Variants in LTBP1 observed in about 807,000 individuals in gnomAD.
LTBP1 encodes the protein latent-transforming growth factor beta-binding protein 1.
In LTBP1, 129 loss-of-function variants were observed where a neutral mutation model predicts 207.6. That is an observed-to-expected ratio of 0.62 (90% CI 0.54 to 0.72). The LOEUF is 0.72. LTBP1 is among the 30% of genes least tolerant of loss of function. The pLI, the probability that LTBP1 is intolerant of heterozygous loss-of-function variation, is 0.00. For missense variants in LTBP1, 2,281 were observed against 2,217.2 expected (o/e 1.03, Z -0.58); for synonymous variants, 963 against 833.7 (o/e 1.16, Z -2.67).
At chr2:33,220,640 G>A (rs2091043943) in intron 8 of LTBP1, among the ~76,000 whole-genome samples, 1 of 152,214 alleles carries the variant, frequency 6.6e-6, no homozygotes. Flanking sequence ...GTAGATGACT[G>A]CTGAAAGTTC....
chr2:32,955,576 T>TA (rs1454271267), intron 2 of LTBP1, among the ~76,000 whole-genome samples: 1 of 152,156 alleles, frequency 6.6e-6, no homozygotes, highest in Non-Finnish European at 1.5e-5. Flanking sequence ...AGTGATTACA[T>TA]AGAGTGCCTT....
chr2:33,311,907 TC>T (rs1408411305), intron 23 of LTBP1, among the ~76,000 whole-genome samples: 2 of 152,214 alleles, frequency 1.3e-5, no homozygotes, highest in Non-Finnish European at 2.9e-5. Flanking sequence ...ATTCCTATTT[TC>T]CAGAATAAGT....
rs1433480164 is a variant in LTBP1 at position 33,363,514 on chromosome 2, C to T, written c.4395C>T (p.Cys1465=). 3 of 1,613,570 alleles carry T rather than the reference C, an allele frequency of 1.9e-6. No individual in the cohort carries two copies. The highest frequency in any genetic ancestry group is 2.5e-6 in the Non-Finnish European group (3 of 1,179,662). Reference sequence around the variant, plus strand: ...ACTATGATCCTGTGAAACTGCAGTGCTTTGGTAAGCTTTAGGGGGATATAG... The same window carrying T: ...ACTATGATCCTGTGAAACTGCAGTGTTTTGGTAAGCTTTAGGGGGATATAG... ...GTYYDPVKLQ[C]FDMDECQDPS... is the part of the protein sequence containing the mutation. Residue 1465 remains cysteine (C), a synonymous_variant, in exon 29 of 34, where the codon TGC becomes TGT. Coordinates refer to ENST00000404816, the MANE Select transcript of LTBP1 (RefSeq NM_206943.4).
chr2:33,145,850 G>T (rs1469567894), intron 5 of LTBP1, among the ~76,000 whole-genome samples: 2 of 152,138 alleles, frequency 1.3e-5, no homozygotes, highest in Non-Finnish European at 2.9e-5. Context: ...AAGTCTAAAG[G>T]CTGAAAATAT....
At chr2:33,213,661 G>A (rs2090476449) in intron 7 of LTBP1, among the ~76,000 whole-genome samples, 1 of 152,222 alleles carries the variant, frequency 6.6e-6, no homozygotes, top group African/African-American at 2.4e-5. Flanking sequence ...TATGGCCACA[G>A]AGATCTCTCA....
chr2:33,393,988 T>C (rs540577666), intron 32 of LTBP1, among the ~76,000 whole-genome samples: 4,214 of 135,866 alleles, frequency 0.031, 228 homozygotes, highest in Non-Finnish European at 0.043. Context: ...GCCATTGTAA[T>C]TGGTGTGAGA....
intron 19 of LTBP1, among the ~76,000 whole-genome samples, chr2:33,283,542 T>A (rs1324392771): frequency 2.0e-5 from 3 of 146,928 alleles, no homozygotes; most frequent in African/African-American, 7.5e-5. Context: ...ATTCACGCCA[T>A]TCTCCTACCT....
chr2:32,951,241 A>G (rs1387222750), intron 2 of LTBP1, among the ~76,000 whole-genome samples: 1 of 152,246 alleles, frequency 6.6e-6, no homozygotes, highest in Non-Finnish European at 1.5e-5. Flanking sequence ...GGTTTTCAGC[A>G]TTCAGAAGAT....
intron 5 of LTBP1, among the ~76,000 whole-genome samples, chr2:33,170,926 T>C (rs1013136679): frequency 4.6e-5 from 7 of 151,912 alleles, no homozygotes; most frequent in Non-Finnish European, 1.0e-4. Context: ...TCTAGCAAAC[T>C]CCAACAGACC....
intron 3 of LTBP1, among the ~76,000 whole-genome samples, chr2:33,065,652 C>G (rs891638855): frequency 6.6e-6 from 1 of 151,828 alleles, no homozygotes; most frequent in African/African-American, 2.4e-5. Flanking sequence ...AAGAATTTTT[C>G]CATATATGTT....
At chr2:33,303,755 GTCAGGAGATGGAGC>G (rs2094036435) in intron 22 of LTBP1, among the ~76,000 whole-genome samples, 1 of 152,136 alleles carries the variant, frequency 6.6e-6, no homozygotes. Context: ...CTGCTGATCT[GTCAGGAGATGGAGC>G]TCAGGCGGTA....
At chr2:33,138,751 A>C (rs2082345565) in intron 5 of LTBP1, among the ~76,000 whole-genome samples, 1 of 152,186 alleles carries the variant, frequency 6.6e-6, no homozygotes, top group Non-Finnish European at 1.5e-5. Flanking sequence ...GATGGTCAAA[A>C]TAACACATTT....
rs576251325 is a variant in LTBP1 at position 33,152,902 on chromosome 2, G to A, written c.1201+17942G>A. Among the ~76,000 whole-genome samples the A allele has an allele frequency of 1.2e-3, 185 of 152,302 alleles. 1 individual carries two copies. The highest frequency in any genetic ancestry group is 4.3e-3 in the African/African-American group (179 of 41,564). ...ATTGTGAATCTTTAGGGAGACCTGA[G>A]TTTTAATAGTGGTGCTGCTACTTGG... is the stretch of plus-strand genomic sequence containing the variant. On this transcript the variant is annotated intron_variant, in intron 5 of 33. Coordinates refer to ENST00000404816, the MANE Select transcript of LTBP1 (RefSeq NM_206943.4).
chr2:33,240,967 C>A (rs901711594), intron 9 of LTBP1, among the ~76,000 whole-genome samples: 7 of 152,268 alleles, frequency 4.6e-5, no homozygotes, highest in Non-Finnish European at 4.4e-5. Context: ...TTCTTAATCA[C>A]AATCTGGGTG....
chr2:33,347,307 A>G (rs2094717217), intron 25 of LTBP1, 60 bp from the exon 26 acceptor site: 6 of 1,604,332 alleles, frequency 3.7e-6, no homozygotes, highest in Non-Finnish European at 4.3e-6. Flanking sequence ...ACAGCTGGTA[A>G]AATAGAGAGC....
intron 10 of LTBP1, among the ~76,000 whole-genome samples, chr2:33,247,953 A>C (rs1356677185): frequency 6.6e-6 from 1 of 152,124 alleles, no homozygotes; most frequent in Admixed American, 6.5e-5. Context: ...TCTCCAGAGC[A>C]CCCCGGCTGG....
intron 9 of LTBP1, among the ~76,000 whole-genome samples, chr2:33,228,246 G>T (rs2091564609): frequency 6.6e-6 from 1 of 152,144 alleles, no homozygotes; most frequent in Non-Finnish European, 1.5e-5. Context: ...AATAAATAAT[G>T]AATTAATTTG....
chr2:33,033,345 G>A (rs1406228766), intron 3 of LTBP1, among the ~76,000 whole-genome samples: 2 of 152,022 alleles, frequency 1.3e-5, no homozygotes, highest in Non-Finnish European at 2.9e-5. Flanking sequence ...GTGTTAATGG[G>A]CCTGGATTTA....
chr2:33,105,605 G>A (rs1558643463), intron 3 of LTBP1, among the ~76,000 whole-genome samples: 1 of 152,066 alleles, frequency 6.6e-6, no homozygotes, highest in African/African-American at 2.4e-5. Context: ...GCTAATTTTT[G>A]TATTTTTAGT....
Sources: allele counts gnomAD v4.1 joint callset (sites outside exome capture counted in the v4.1 genomes callset), GRCh38; gene constraint gnomAD v4.1.1; transcripts MANE v1.5; gene names NCBI Gene and HGNC (gene_info 2026-07-23, HGNC 2026-07-21).